The following LRPPRC variants were observed in gnomAD, a reference collection of about 807,000 sequenced individuals.
LRPPRC encodes the protein leucine rich pentatricopeptide repeat containing.
In LRPPRC, 120 loss-of-function variants were observed where a neutral mutation model predicts 180.3. The ratio of observed to expected loss-of-function variants is 0.67; its 90% confidence interval spans 0.57 to 0.77. The LOEUF (loss-of-function observed/expected upper bound fraction) is 0.77, where lower values mean the gene tolerates loss of function less well. LRPPRC is among the 30% of genes least tolerant of loss of function. The pLI, the probability that LRPPRC is intolerant of heterozygous loss-of-function variation, is 0.00. For missense variants in LRPPRC, 2,012 were observed against 1,657.2 expected (o/e 1.21, Z -3.72); for synonymous variants, 723 against 600.0 (o/e 1.21, Z -3.00).
At chr2:43,890,589 T>C (rs1670456117) in intron 36 of LRPPRC, among the ~76,000 whole-genome samples, 1 of 152,194 alleles carries the variant, frequency 6.6e-6, no homozygotes, top group Non-Finnish European at 1.5e-5. Context: ...GGCGGGTGTC[T>C]GTAGTCCCAG....
intron 21 of LRPPRC, 108 bp from the exon 22 acceptor site, chr2:43,945,525 A>C: frequency 1.4e-6 from 1 of 732,130 alleles, no homozygotes; most frequent in African/African-American, 1.7e-5. Flanking sequence ...GACCTGAACT[A>C]ATGTTGGCCT....
intron 27 of LRPPRC, among the ~76,000 whole-genome samples, chr2:43,921,071 T>A (rs1470602608): frequency 6.6e-6 from 1 of 152,094 alleles, no homozygotes; most frequent in Admixed American, 6.6e-5. Context: ...GTAGGCAGAT[T>A]AGTTGAGGCC....
intron 14 of LRPPRC, among the ~76,000 whole-genome samples, chr2:43,955,581 A>C (rs1355443823): frequency 6.6e-6 from 1 of 152,102 alleles, no homozygotes; most frequent in Non-Finnish European, 1.5e-5. Context: ...CTACAAAAAA[A>C]TTTTAAAAAT....
chr2:43,920,336 A>G (rs1229837291), intron 27 of LRPPRC, among the ~76,000 whole-genome samples: 1 of 152,122 alleles, frequency 6.6e-6, no homozygotes, highest in Non-Finnish European at 1.5e-5. Context: ...GGGTTTCACC[A>G]TGTTGGCCAG....
chr2:43,979,935 A>G lies in LRPPRC; in HGVS notation c.360T>C (p.Gly120=), dbSNP rs553003989. 4 of 1,613,900 alleles carry G rather than the reference A, an allele frequency of 2.5e-6. No individual in the cohort carries two copies. The African/African-American group carries it at 4.0e-5, about 16-fold the overall frequency. ...NDTCRSGGLG[G]SHALLLLRSC... ...TACGTAGTAGAAGCAAGGCATGACT[A>G]CCACCTAGGCCACCTGTGGAAAAAA... The change falls in exon 3 of 38, where the codon GGT becomes GGC. Residue 120 remains glycine, a synonymous_variant. Coordinates refer to ENST00000260665, the MANE Select transcript of LRPPRC (RefSeq NM_133259.4).
Position 43,963,647 on chromosome 2 carries a change from A to G in LRPPRC, c.1429T>C (p.Tyr477His), listed in dbSNP as rs1172761118. 2 of 1,612,724 alleles carry G rather than the reference A, an allele frequency of 1.2e-6. No homozygotes were observed. Among genetic ancestry groups the G allele is most frequent in the Admixed American group, 1.7e-5 (1 of 60,010 alleles). Residue 477 changes from tyrosine (Y) to histidine (H), a missense_variant, in exon 12 of 38, where the codon TAT becomes CAT. Physicochemically the swap from Tyr to His is moderately conservative, Grantham distance 83. Transcript: ENST00000260665. ...AAGCATGGAATCACATAATCTGTAT[A>G]TGTTTCCTGATCAGGATGTACTCCC... is the stretch of plus-strand genomic sequence containing the variant. ...ELGVHPDQETYTDYVIPCFDS... is the reference protein window; with the variant it reads ...ELGVHPDQETHTDYVIPCFDS...
intron 25 of LRPPRC, among the ~76,000 whole-genome samples, chr2:43,926,886 A>T (rs1267758147): frequency 6.6e-6 from 1 of 152,260 alleles, no homozygotes; most frequent in Non-Finnish European, 1.5e-5. Flanking sequence ...TAAATGTTTA[A>T]AGAACAAAAC....
chr2:43,925,838 C>G (rs1671857038), intron 26 of LRPPRC, 55 bp downstream of exon 26: 1 of 1,134,150 alleles, frequency 8.8e-7, no homozygotes, highest in Non-Finnish European at 1.3e-6. Flanking sequence ...TACAGAGGAC[C>G]CTTGCCTTCT....
chr2:43,954,601 G>C lies in LRPPRC; in HGVS notation c.1649+2784C>G, dbSNP rs533081825. Among the ~76,000 whole-genome samples, 4 of 152,238 alleles carry C rather than the reference G, an allele frequency of 2.6e-5. No homozygotes were observed. In the South Asian group the frequency reaches 6.2e-4, roughly 24 times the overall value. ...AATACATACACTCTTGAAAACAGACGTCTCTTTTTTACATTCTAGCCACTG... is the reference window on the plus strand; with the variant it reads ...AATACATACACTCTTGAAAACAGACCTCTCTTTTTTACATTCTAGCCACTG... On this transcript the variant is annotated intron_variant, in intron 14 of 37. Transcript: ENST00000260665.
At chr2:43,939,225 G>A (rs1672386544) in intron 23 of LRPPRC, among the ~76,000 whole-genome samples, 1 of 151,858 alleles carries the variant, frequency 6.6e-6, no homozygotes, top group Non-Finnish European at 1.5e-5. Flanking sequence ...AGCTTGCAGT[G>A]AGCCAAGATC....
intron 11 of LRPPRC, among the ~76,000 whole-genome samples, chr2:43,970,945 C>T (rs1366642626): frequency 6.6e-6 from 1 of 151,924 alleles, no homozygotes; most frequent in Non-Finnish European, 1.5e-5. Flanking sequence ...CTAAAAATAC[C>T]AAAAATTAGC....
chr2:43,898,150 C>T (rs1170363851), intron 34 of LRPPRC, among the ~76,000 whole-genome samples: 1 of 151,316 alleles, frequency 6.6e-6, no homozygotes, highest in Non-Finnish European at 1.5e-5. Context: ...CCGGAATTTC[C>T]CTTCTCCAGC....
chr2:43,950,909 G>A lies in LRPPRC; in HGVS notation c.1650-309C>T, dbSNP rs1176288703. On this transcript the variant is annotated intron_variant, in intron 14 of 37. Transcript: ENST00000260665. The stretch of plus-strand genomic sequence containing the variant: ...ACATGGTGAAATCCCGTCTCCACTA[G>A]AAGTAGAAAAATTAGCCGGGAGTGT... Among the ~76,000 whole-genome samples, 5 of 152,238 alleles carry A rather than the reference G, an allele frequency of 3.3e-5. No individual in the cohort carries two copies. The South Asian group carries it at 6.2e-4, about 19-fold the overall frequency.
chr2:43,947,325 G>C lies in LRPPRC; in HGVS notation c.2011C>G (p.Leu671Val). ...CTTATAGGTTGATTTTCAGCTTTTA[G>C]TGTTTCAAGTGTGGACTCCAATTCA... ...SSELESTLETLKAENQPIRDV... is the reference protein window; with the variant it reads ...SSELESTLETVKAENQPIRDV... Residue 671 changes from leucine to valine, a missense_variant, in exon 20 of 38, where the codon CTA becomes GTA. Coordinates refer to ENST00000260665, the MANE Select transcript of LRPPRC (RefSeq NM_133259.4). 6.2e-7 allele frequency: 1 copy of C among 1,606,254 alleles called. No homozygotes were observed. Among genetic ancestry groups the C allele is most frequent in the Non-Finnish European group, 8.5e-7 (1 of 1,173,850 alleles).
chr2:43,920,502 CAG>C (rs1454968371), intron 27 of LRPPRC, among the ~76,000 whole-genome samples: 3 of 152,092 alleles, frequency 2.0e-5, no homozygotes, highest in South Asian at 2.1e-4. Context: ...ACCTAAAGTG[CAG>C]AGTGATTTTA....
chr2:43,993,489 G>T (rs533121163), intron 1 of LRPPRC, among the ~76,000 whole-genome samples: 1 of 152,252 alleles, frequency 6.6e-6, no homozygotes, highest in Admixed American at 6.5e-5. Flanking sequence ...TGAAATTAAA[G>T]GGACAGAGAA....
chr2:43,978,501 A>G (rs553543001), intron 3 of LRPPRC, among the ~76,000 whole-genome samples: 1 of 152,156 alleles, frequency 6.6e-6, no homozygotes, highest in African/African-American at 2.4e-5. Context: ...GCTTTTTTCT[A>G]TTTTAGAATG....
chr2:43,926,573 G>T (rs145491491), intron 25 of LRPPRC, among the ~76,000 whole-genome samples: 2 of 151,988 alleles, frequency 1.3e-5, no homozygotes, highest in African/African-American at 4.8e-5. Context: ...CACCATGTTG[G>T]CCAGGCTGGT....
intron 35 of LRPPRC, among the ~76,000 whole-genome samples, chr2:43,895,218 G>GAT (rs1028184522): frequency 5.3e-5 from 8 of 152,156 alleles, no homozygotes; most frequent in African/African-American, 1.9e-4. Flanking sequence ...ACCCATGATG[G>GAT]ATATATAAAC....
Sources: gnomAD v4.1 joint callset for allele counts (sites outside exome capture counted in the v4.1 genomes callset) on GRCh38, gnomAD v4.1.1 for gene constraint, MANE v1.5 for transcripts, NCBI Gene and HGNC (gene_info 2026-07-23, HGNC 2026-07-21) for gene names.